TNPO1: variants seen among roughly 807,000 people sequenced by gnomAD.
The protein encoded by TNPO1 is transportin-1.
In TNPO1, 8 loss-of-function variants were observed where a neutral mutation model predicts 119.5. The observed-to-expected ratio is 0.07, with a 90% CI of 0.04 to 0.12. The LOEUF (loss-of-function observed/expected upper bound fraction) is 0.12. TNPO1 is among the 10% of genes least tolerant of loss of function. The probability of loss-of-function intolerance (pLI) is 1.00; values close to 1 mark genes in which losing one functional copy is unlikely to be tolerated. For missense variants in TNPO1, 576 were observed against 1,089.8 expected (o/e 0.53, Z 6.64); for synonymous variants, 362 against 363.0 (o/e 1.00, Z 0.03).
chr5:72,865,487 T>C (rs1015575933), intron 5 of TNPO1, 109 bp from the exon 6 acceptor site: 4 of 1,247,370 alleles, frequency 3.2e-6, no homozygotes, highest in Non-Finnish European at 3.3e-6. Flanking sequence ...GAAGGCATTT[T>C]ATGTGGGCTG....
At position 72,868,065 on chromosome 5, in the gene TNPO1, T is replaced by C. The variant is rs188909039; in HGVS notation, c.596+2336T>C. Among the ~76,000 whole-genome samples, 14 of 152,300 alleles carry C rather than the reference T, an allele frequency of 9.2e-5. No individual in the cohort carries two copies. In the East Asian group the frequency reaches 1.9e-3, roughly 21 times the overall value. On this transcript the variant is annotated intron_variant, in intron 6 of 24. Coordinates refer to ENST00000337273, the MANE Select transcript of TNPO1 (RefSeq NM_002270.4). ...AGGAATTCTCATCCTTTATCAGTTA[T>C]GTGTGTAGAGAATATCTTAATCCTT... is the stretch of plus-strand genomic sequence containing the variant.
chr5:72,853,774 T>C (rs1745771957), intron 3 of TNPO1, among the ~76,000 whole-genome samples: 1 of 152,180 alleles, frequency 6.6e-6, no homozygotes, highest in Non-Finnish European at 1.5e-5. Flanking sequence ...AAGTAACATC[T>C]TAAATGAAAA....
chr5:72,845,367 T>C (rs937982929), intron 1 of TNPO1, among the ~76,000 whole-genome samples: 3 of 152,216 alleles, frequency 2.0e-5, no homozygotes, highest in Non-Finnish European at 4.4e-5. Context: ...CTGATGTGCT[T>C]GGTTAGCTTG....
chr5:72,828,303 T>C (rs993893165), intron 1 of TNPO1, among the ~76,000 whole-genome samples: 1 of 152,172 alleles, frequency 6.6e-6, no homozygotes, highest in Non-Finnish European at 1.5e-5. Context: ...TTTACAACTT[T>C]CAAGATGTTT....
intron 1 of TNPO1, among the ~76,000 whole-genome samples, chr5:72,827,458 C>T (rs193296819): frequency 8.3e-4 from 127 of 152,186 alleles, no homozygotes; most frequent in African/African-American, 3.0e-3. Context: ...GCAAATCTGC[C>T]TAAACCATGG....
Position 72,893,476 on chromosome 5 carries a change from A to G in TNPO1, c.1996A>G (p.Asn666Asp). The change falls in exon 17 of 25, where the codon AAC (asparagine) becomes GAC (aspartate). Residue 666 changes from asparagine to aspartate, a missense_variant. Around this residue, in one of 6 missense-constraint regions of TNPO1, gnomAD observed 162 missense variants for 294.1 expected, o/e 0.55. Transcript: ENST00000337273. ...LSGLAEGLGG[N>D]IEQLVARSNI... ...TGGCCTGGCTGAAGGACTTGGAGGC[A>G]ACATTGAACAGCTGGTAGCCCGAAG... 1 of 1,614,232 alleles carries G rather than the reference A, an allele frequency of 6.2e-7. No individual in the cohort carries two copies. The highest frequency in any genetic ancestry group is 8.5e-7 in the Non-Finnish European group (1 of 1,180,044).
At chr5:72,854,467 C>T (rs897666640) in intron 3 of TNPO1, among the ~76,000 whole-genome samples, 6 of 152,222 alleles carry the variant, frequency 3.9e-5, no homozygotes, top group Middle Eastern at 3.4e-3. Context: ...TTTAATAAGA[C>T]GGGTAAAACA....
intron 14 of TNPO1, among the ~76,000 whole-genome samples, chr5:72,891,328 G>C (rs1034658827): frequency 1.3e-5 from 2 of 152,088 alleles, no homozygotes; most frequent in African/African-American, 4.8e-5. Flanking sequence ...AGCCGGGTGT[G>C]GTGGGGGGTG....
intron 10 of TNPO1, 106 bp downstream of exon 10, chr5:72,882,633 T>C: frequency 1.4e-6 from 1 of 718,066 alleles, no homozygotes; most frequent in African/African-American, 1.8e-5. Flanking sequence ...CTCCTGTAAA[T>C]AGACTTCCTA....
At chr5:72,867,021 G>T (rs1360723260) in intron 6 of TNPO1, among the ~76,000 whole-genome samples, 2 of 151,860 alleles carry the variant, frequency 1.3e-5, no homozygotes, top group Admixed American at 1.3e-4. Context: ...CAAAAAATAA[G>T]TTTAAAAAAT....
chr5:72,895,439 A>C (rs887860616), intron 18 of TNPO1, among the ~76,000 whole-genome samples: 1 of 151,312 alleles, frequency 6.6e-6, no homozygotes, highest in African/African-American at 2.4e-5. Flanking sequence ...TTCGGGGAAC[A>C]TTTGCCAGTG....
At position 72,848,375 on chromosome 5, in the gene TNPO1, T is replaced by C; in HGVS notation, c.16-10T>C. 6.2e-7 allele frequency: 1 copy of C among 1,609,346 alleles called. No homozygotes were observed. Among genetic ancestry groups the C allele is most frequent in the Non-Finnish European group, 8.5e-7 (1 of 1,177,316 alleles). ...GCTCCGTCTCTTCCTGTGTCTGGCT[T>C]TATTTGCAGCAAACCAAGATGGAGT... On this transcript the variant is annotated splice_polypyrimidine_tract_variant and intron_variant, in intron 1 of 24. Coordinates refer to ENST00000337273, the MANE Select transcript of TNPO1 (RefSeq NM_002270.4).
At chr5:72,904,889 C>T (rs1163950227) in intron 23 of TNPO1, among the ~76,000 whole-genome samples, 2 of 152,148 alleles carry the variant, frequency 1.3e-5, no homozygotes, top group Admixed American at 1.3e-4. Flanking sequence ...GTTGGGGAGG[C>T]CTCACTGTCA....
At chr5:72,869,559 AAAG>A (rs1747221953) in intron 6 of TNPO1, among the ~76,000 whole-genome samples, 2 of 152,180 alleles carry the variant, frequency 1.3e-5, no homozygotes, top group Non-Finnish European at 2.9e-5. Flanking sequence ...AAAAATAAAT[AAAG>A]ACAGTTTTAC....
At chr5:72,888,382 T>G in intron 13 of TNPO1, 79 bp downstream of exon 13, 1 of 1,241,124 alleles carries the variant, frequency 8.1e-7, no homozygotes, top group South Asian at 1.4e-5. Context: ...GTGTTGGTGT[T>G]AAACCTATAA....
At chr5:72,851,915 T>G (rs1207047826) in intron 3 of TNPO1, among the ~76,000 whole-genome samples, 1 of 152,206 alleles carries the variant, frequency 6.6e-6, no homozygotes, top group African/African-American at 2.4e-5. Flanking sequence ...ATAACAAAGG[T>G]TGTAATACAA....
chr5:72,822,675 C>G (rs1744019031), intron 1 of TNPO1, among the ~76,000 whole-genome samples: 1 of 150,826 alleles, frequency 6.6e-6, no homozygotes, highest in Non-Finnish European at 1.5e-5. Flanking sequence ...TCACTGCAAC[C>G]TCTGCCTCCT....
intron 15 of TNPO1, 152 bp downstream of exon 15, chr5:72,892,048 T>C (rs1749097859): frequency 3.4e-6 from 2 of 590,412 alleles, no homozygotes; most frequent in Non-Finnish European, 5.8e-6. Flanking sequence ...CCTGCTTTAC[T>C]TAATTGATAA....
At chr5:72,885,744 T>G (rs1014428313) in intron 11 of TNPO1, among the ~76,000 whole-genome samples, 2 of 18,458 alleles carry the variant, frequency 1.1e-4, no homozygotes, top group Non-Finnish European at 3.4e-4. Flanking sequence ...TTTGGTTTGG[T>G]TTTTTTTTTT....
Sources: gnomAD v4.1 joint callset for allele counts (sites outside exome capture counted in the v4.1 genomes callset) on GRCh38, gnomAD v4.1.1 for gene constraint, gnomAD v4.1.1 regional missense constraint, MANE v1.5 for transcripts, NCBI Gene and HGNC (gene_info 2026-07-23, HGNC 2026-07-21) for gene names.